INPP4B: variants seen among roughly 807,000 people sequenced by gnomAD.
INPP4B encodes the protein inositol polyphosphate-4-phosphatase type II B, also known as inositol polyphosphate 4-phosphatase type II.
Under a neutral mutation model 122.5 loss-of-function variants are expected in INPP4B, and 55 were observed. The observed-to-expected ratio is 0.45, with a 90% CI of 0.36 to 0.56. The LOEUF (loss-of-function observed/expected upper bound fraction) is 0.56. INPP4B is among the 20% of genes least tolerant of loss of function. The probability of loss-of-function intolerance (pLI) is 0.00; values close to 1 mark genes in which losing one functional copy is unlikely to be tolerated. For synonymous variants in INPP4B, 403 were observed against 388.7 expected (o/e 1.04, Z -0.43); for missense variants, 1,000 against 1,097.7 (o/e 0.91, Z 1.26).
chr4:142,792,101 T>C (rs1776628891), intron 1 of INPP4B, among the ~76,000 whole-genome samples: 1 of 152,058 alleles, frequency 6.6e-6, no homozygotes, highest in African/African-American at 2.4e-5. Flanking sequence ...AAAATAAATT[T>C]TAGCTAGATG....
intron 2 of INPP4B, among the ~76,000 whole-genome samples, chr4:142,577,731 G>C (rs1734160005): frequency 6.6e-6 from 1 of 151,934 alleles, no homozygotes; most frequent in African/African-American, 2.4e-5. Context: ...GCGTCATATA[G>C]AATAGTGCCT....
chr4:142,268,322 C>CAAAAAAA (rs56908599), intron 10 of INPP4B, among the ~76,000 whole-genome samples: 180 of 6,894 alleles, frequency 0.026, 44 homozygotes, highest in African/African-American at 0.036. Context: ...GACTCCGTCT[C>CAAAAAAA]AAAAAAAAAA....
intron 2 of INPP4B, among the ~76,000 whole-genome samples, chr4:142,620,448 T>C (rs774863178): frequency 1.3e-4 from 19 of 151,878 alleles, no homozygotes; most frequent in Non-Finnish European, 2.7e-4. Flanking sequence ...ATGGGACCTA[T>C]ACTTTGAGTA....
intron 17 of INPP4B, among the ~76,000 whole-genome samples, chr4:142,148,967 C>T (rs768531613): frequency 2.6e-5 from 4 of 152,196 alleles, no homozygotes; most frequent in Admixed American, 6.5e-5. Context: ...CTTGAGGGGA[C>T]ACTCAGCAGC....
intron 3 of INPP4B, among the ~76,000 whole-genome samples, chr4:142,440,004 TA>T (rs1811342330): frequency 6.6e-6 from 1 of 152,242 alleles, no homozygotes; most frequent in African/African-American, 2.4e-5. Context: ...TTTATAGATA[TA>T]CATTTTTTCC....
intron 23 of INPP4B, among the ~76,000 whole-genome samples, chr4:142,092,373 C>T (rs1351643784): frequency 2.0e-5 from 3 of 152,184 alleles, no homozygotes; most frequent in African/African-American, 4.8e-5. Context: ...TCACTGCAAC[C>T]TCTGCCTCCC....
chr4:142,119,796 TACAC>T (rs34897089), intron 21 of INPP4B, among the ~76,000 whole-genome samples: 6,882 of 148,136 alleles, frequency 0.046, 204 homozygotes, highest in Non-Finnish European at 0.058. Flanking sequence ...AAAGTATATA[TACAC>T]ACACACACAC....
intron 2 of INPP4B, among the ~76,000 whole-genome samples, chr4:142,629,750 C>G (rs548771168): frequency 2.0e-5 from 3 of 152,068 alleles, no homozygotes; most frequent in Admixed American, 6.6e-5. Flanking sequence ...CAGGATGGAA[C>G]TTGTTTGTGA....
intron 2 of INPP4B, among the ~76,000 whole-genome samples, chr4:142,589,814 C>A (rs1030103966): frequency 3.3e-5 from 5 of 152,084 alleles, no homozygotes; most frequent in Non-Finnish European, 5.9e-5. Flanking sequence ...TACCTAGAAA[C>A]TACATGCAAA....
At chr4:142,595,454 G>T (rs1738496004) in intron 2 of INPP4B, among the ~76,000 whole-genome samples, 1 of 152,132 alleles carries the variant, frequency 6.6e-6, no homozygotes, top group Non-Finnish European at 1.5e-5. Context: ...AAGGTCAAAG[G>T]CTAGTCAAAA....
intron 2 of INPP4B, among the ~76,000 whole-genome samples, chr4:142,705,309 A>G (rs1762329896): frequency 6.6e-6 from 1 of 152,142 alleles, no homozygotes; most frequent in Non-Finnish European, 1.5e-5. Context: ...AATCCTGCAC[A>G]TTCACTGAAT....
At chr4:142,571,377 C>A (rs1732788286) in intron 2 of INPP4B, among the ~76,000 whole-genome samples, 1 of 152,170 alleles carries the variant, frequency 6.6e-6, no homozygotes, top group African/African-American at 2.4e-5. Flanking sequence ...TGTAGTCAAG[C>A]AAATTAACCT....
intron 7 of INPP4B, among the ~76,000 whole-genome samples, chr4:142,358,711 A>G (rs1040601774): frequency 1.3e-5 from 2 of 150,824 alleles, no homozygotes; most frequent in African/African-American, 4.9e-5. Context: ...GTTGAGAGCC[A>G]TGTCGAGCAG....
rs1442809125 is a variant in INPP4B at position 142,486,875 on chromosome 4, CA to C, written c.-190-24150del. The stretch of plus-strand genomic sequence containing the variant: ...CTCAGTAAATGCCTTGATGCCTATG[CA>C]AAAATCAACTGACCACTATATACAG... On this transcript the variant is annotated intron_variant, in intron 2 of 25. Transcript: ENST00000262992. Among the ~76,000 whole-genome samples the C allele has an allele frequency of 2.0e-5, 3 of 152,184 alleles. No individual in the cohort carries two copies. The East Asian group carries it at 5.8e-4, about 29-fold the overall frequency.
At chr4:142,566,641 T>C (rs1364671110) in intron 2 of INPP4B, among the ~76,000 whole-genome samples, 1 of 152,194 alleles carries the variant, frequency 6.6e-6, no homozygotes, top group Non-Finnish European at 1.5e-5. Flanking sequence ...GATGTGACAC[T>C]TGGTTTACAG....
At chr4:142,257,782 G>A (rs1238516523) in intron 11 of INPP4B, among the ~76,000 whole-genome samples, 3 of 152,144 alleles carry the variant, frequency 2.0e-5, no homozygotes, top group African/African-American at 7.2e-5. Flanking sequence ...ACTGCCCAAG[G>A]TAATTTATAG....
At chr4:142,135,984 A>G (rs1803958069) in intron 18 of INPP4B, among the ~76,000 whole-genome samples, 1 of 152,088 alleles carries the variant, frequency 6.6e-6, no homozygotes, top group Non-Finnish European at 1.5e-5. Flanking sequence ...TTTTTAGTAG[A>G]GACGGGGTTT....
At chr4:142,339,403 A>G (rs12505845) in intron 7 of INPP4B, among the ~76,000 whole-genome samples, 13,354 of 152,272 alleles carry the variant, frequency 0.088, 784 homozygotes, top group East Asian at 0.18. Context: ...TAGAAGCACA[A>G]GTACTCTTTT....
chr4:142,498,251 A>C (rs1822903274), intron 2 of INPP4B, among the ~76,000 whole-genome samples: 1 of 151,446 alleles, frequency 6.6e-6, no homozygotes, highest in South Asian at 2.1e-4. Flanking sequence ...TTCTTGGGAG[A>C]GTTCATCAGG....
Sources: allele counts gnomAD v4.1 joint callset (sites outside exome capture counted in the v4.1 genomes callset), GRCh38; gene constraint gnomAD v4.1.1; transcripts MANE v1.5; gene names NCBI Gene and HGNC (gene_info 2026-07-23, HGNC 2026-07-21).